Variants in AMBRA1 observed in about 807,000 individuals in gnomAD.
AMBRA1 encodes autophagy and beclin 1 regulator 1, also known as activating molecule in BECN1-regulated autophagy protein 1.
A neutral mutation model predicts 125.4 loss-of-function variants in AMBRA1; 47 were observed. The observed-to-expected ratio is 0.37, with a 90% CI of 0.30 to 0.48. AMBRA1 has a LOEUF of 0.48. Ranked by LOEUF, AMBRA1 falls within the 20% of genes least tolerant of loss-of-function variation. AMBRA1 has a pLI of 0.99. For missense variants in AMBRA1, 1,331 were observed against 1,693.4 expected, an observed-to-expected ratio of 0.79 and a Z score of 3.76; for synonymous variants, 626 against 655.5, an observed-to-expected ratio of 0.95 and a Z score of 0.69.
At chr11:46,588,761 G>A (rs2044490569) in intron 1 of AMBRA1, among the ~76,000 whole-genome samples, 1 of 145,476 alleles carries the variant, frequency 6.9e-6, no homozygotes, top group Admixed American at 6.9e-5. Flanking sequence ...GGCAACAAGA[G>A]CGAAACTCCA....
chr11:46,551,586 C>T (rs959112833), intron 1 of AMBRA1, among the ~76,000 whole-genome samples: 1 of 152,138 alleles, frequency 6.6e-6, no homozygotes, highest in African/African-American at 2.4e-5. Context: ...AAATATTAAA[C>T]GACACCAGGC....
chr11:46,482,531 T>C (rs1163687877), intron 11 of AMBRA1, among the ~76,000 whole-genome samples: 1 of 152,180 alleles, frequency 6.6e-6, no homozygotes, highest in Non-Finnish European at 1.5e-5. Flanking sequence ...TGAAAATAAA[T>C]GTCCCTCACA....
rs761543942 is a variant in AMBRA1, at chr11:46,443,505, A to G, written c.2615T>C (p.Leu872Pro). 4 of 1,613,888 alleles carry G rather than the reference A, an allele frequency of 2.5e-6. No homozygotes were observed. In the South Asian group the frequency reaches 4.4e-5, roughly 18 times the overall value. ...LQWWDFTKFD[L>P]PEISNASVNV... ...TGACTTACCATTACTGATTTCAGGG[A>G]GGTCAAACTTAGTGAAGTCCCACCA... Residue 872 changes from leucine to proline, a missense_variant, in exon 12 of 18, where the codon CTC becomes CCC. By Grantham distance (98) the Leu-to-Pro change is moderately conservative (BLOSUM62 -3). Coordinates refer to ENST00000683756, the MANE Select transcript of AMBRA1 (RefSeq NM_001387011.1).
intron 1 of AMBRA1, 36 bp downstream of exon 1, chr11:46,593,792 G>T: frequency 2.5e-6 from 1 of 394,398 alleles, no homozygotes; most frequent in Non-Finnish European, 4.5e-6. Context: ...GCGGAAGGAT[G>T]CCGGGCTGGG....
chr11:46,528,188 T>C (rs553264071), intron 7 of AMBRA1, among the ~76,000 whole-genome samples: 1 of 152,366 alleles, frequency 6.6e-6, no homozygotes, highest in Non-Finnish European at 1.5e-5. Flanking sequence ...TATTTATTTT[T>C]TGGAGATGGA....
intron 11 of AMBRA1, among the ~76,000 whole-genome samples, chr11:46,466,100 G>A (rs1392346951): frequency 6.6e-6 from 1 of 152,198 alleles, no homozygotes; most frequent in African/African-American, 2.4e-5. Flanking sequence ...TAGCACTGTG[G>A]AAGATGTACA....
intron 1 of AMBRA1, among the ~76,000 whole-genome samples, chr11:46,582,068 T>C (rs1355547848): frequency 1.4e-5 from 2 of 145,052 alleles, no homozygotes; most frequent in Non-Finnish European, 3.0e-5. Context: ...TGAGCTGTGA[T>C]CACACCACTG....
intron 11 of AMBRA1, among the ~76,000 whole-genome samples, chr11:46,475,776 C>T (rs992397750): frequency 1.3e-5 from 2 of 152,160 alleles, no homozygotes; most frequent in Non-Finnish European, 2.9e-5. Context: ...AATTTCTTGT[C>T]GCATACTTCT....
At chr11:46,418,991 G>C (rs1946712558) in intron 14 of AMBRA1, among the ~76,000 whole-genome samples, 2 of 152,092 alleles carry the variant, frequency 1.3e-5, no homozygotes, top group Admixed American at 6.6e-5. Context: ...GAGGTGATAG[G>C]GGGGCGGGAG....
intron 17 of AMBRA1, among the ~76,000 whole-genome samples, chr11:46,399,186 C>T (rs1302038950): frequency 3.3e-5 from 5 of 151,526 alleles, no homozygotes; most frequent in Admixed American, 2.6e-4. Context: ...GCCATTCTTC[C>T]GCCTCAGCCT....
At chr11:46,480,578 G>A (rs1449365525) in intron 11 of AMBRA1, among the ~76,000 whole-genome samples, 2 of 152,122 alleles carry the variant, frequency 1.3e-5, no homozygotes, top group Admixed American at 6.6e-5. Flanking sequence ...TACCTTAAAA[G>A]CAACTGGCAG....
At chr11:46,444,897 T>C (rs1333842270) in intron 11 of AMBRA1, among the ~76,000 whole-genome samples, 1 of 152,132 alleles carries the variant, frequency 6.6e-6, no homozygotes, top group African/African-American at 2.4e-5. Context: ...AGACTGTTTT[T>C]CAGCATTAAT....
At chr11:46,495,946 T>TA (rs1950615338) in intron 9 of AMBRA1, among the ~76,000 whole-genome samples, 1 of 152,168 alleles carries the variant, frequency 6.6e-6, no homozygotes, top group African/African-American at 2.4e-5. Flanking sequence ...TGGAGGCCTC[T>TA]AAGCCTCAAA....
chr11:46,508,519 G>A, intron 8 of AMBRA1, 149 bp from the exon 9 acceptor site: 2 of 756,054 alleles, frequency 2.6e-6, no homozygotes, highest in Non-Finnish European at 4.2e-6. Context: ...CAACTCACCA[G>A]GAGGTTTGCA....
In AMBRA1 at chr11:46,416,241, T is replaced by C. The variant is rs186021435; in HGVS notation, c.3116+1672A>G. Among the ~76,000 whole-genome samples, 402 of 152,136 alleles carry C rather than the reference T, an allele frequency of 2.6e-3. 1 individual carries two copies. The highest frequency in any genetic ancestry group is 4.0e-3 in the Non-Finnish European group (271 of 68,024). On this transcript the variant is annotated intron_variant, in intron 15 of 17. Transcript: ENST00000683756. ...AAGAAAAGAGATAAGACAATCAGCA[T>C]CATGTGCTTTGGGGAAAAGGAGTAT...
chr11:46,541,073 T>C (rs968005443), intron 7 of AMBRA1, among the ~76,000 whole-genome samples: 1 of 152,236 alleles, frequency 6.6e-6, no homozygotes, highest in Non-Finnish European at 1.5e-5. Flanking sequence ...ATATGCTGTT[T>C]GGATCCAACA....
intron 10 of AMBRA1, 72 bp downstream of exon 10, chr11:46,494,052 A>C (rs1229820421): frequency 4.9e-6 from 7 of 1,419,028 alleles, no homozygotes; most frequent in Non-Finnish European, 6.8e-6. Flanking sequence ...TTCAAAGACC[A>C]GAAAGTAGGT....
chr11:46,527,285 G>A (rs1171174733), intron 7 of AMBRA1, among the ~76,000 whole-genome samples: 1 of 151,836 alleles, frequency 6.6e-6, no homozygotes. Context: ...TTCGAGACCA[G>A]CCTAGGTAAC....
At chr11:46,445,552 A>G (rs972819692) in intron 11 of AMBRA1, among the ~76,000 whole-genome samples, 8 of 152,192 alleles carry the variant, frequency 5.3e-5, no homozygotes, top group Non-Finnish European at 1.5e-5. Context: ...CGACTTTATT[A>G]AAAGGAACTT....
Sources: allele counts gnomAD v4.1 joint callset (sites outside exome capture counted in the v4.1 genomes callset), GRCh38; gene constraint gnomAD v4.1.1; transcripts MANE v1.5; gene names NCBI Gene and HGNC (gene_info 2026-07-23, HGNC 2026-07-21).